The following INPP4B variants were observed in gnomAD, a reference collection of about 807,000 sequenced individuals.
INPP4B encodes the protein inositol polyphosphate-4-phosphatase type II B, also known as inositol polyphosphate 4-phosphatase type II.
A neutral mutation model predicts 122.5 loss-of-function variants in INPP4B; 55 were observed. That is an observed-to-expected ratio of 0.45 (90% CI 0.36 to 0.56). The LOEUF (loss-of-function observed/expected upper bound fraction) is 0.56. Among genes scored for constraint, INPP4B ranks in the 20% least tolerant of loss-of-function variants. The pLI is 0.00. For missense variants in INPP4B, 1,000 were observed against 1,097.7 expected (o/e 0.91, Z 1.26); for synonymous variants, 403 against 388.7 (o/e 1.04, Z -0.43).
intron 25 of INPP4B, among the ~76,000 whole-genome samples, chr4:142,067,458 C>A (rs539261096): frequency 3.3e-5 from 5 of 152,142 alleles, no homozygotes; most frequent in Non-Finnish European, 5.9e-5. Flanking sequence ...AGCAACGGAA[C>A]AAAGCTGGAT....
chr4:142,473,031 A>G (rs1209676559), intron 2 of INPP4B, among the ~76,000 whole-genome samples: 2 of 152,222 alleles, frequency 1.3e-5, no homozygotes, highest in Non-Finnish European at 2.9e-5. Flanking sequence ...AAATTAAATA[A>G]TAAAGACAAT....
At chr4:142,185,182 A>G (rs1250001043) in intron 15 of INPP4B, among the ~76,000 whole-genome samples, 1 of 152,100 alleles carries the variant, frequency 6.6e-6, no homozygotes, top group African/African-American at 2.4e-5. Context: ...AGCAAGGGAG[A>G]AAAAGTTGTC....
chr4:142,426,776 C>G (rs1808161952), intron 5 of INPP4B: 1 of 151,840 alleles, frequency 6.6e-6, no homozygotes, highest in African/African-American at 2.4e-5. Flanking sequence ...CAATATGGCA[C>G]CTAGCAAATT....
At chr4:142,762,152 A>C (rs748742102) in intron 1 of INPP4B, among the ~76,000 whole-genome samples, 24 of 151,992 alleles carry the variant, frequency 1.6e-4, no homozygotes, top group South Asian at 8.3e-4. Context: ...CACTCTACAC[A>C]CTCTACATGT....
At chr4:142,554,188 C>CAAAAAA (rs758209943) in intron 2 of INPP4B, among the ~76,000 whole-genome samples, 12 of 97,166 alleles carry the variant, frequency 1.2e-4, no homozygotes, top group East Asian at 2.3e-4. Context: ...AACTCCATCT[C>CAAAAAA]AAAAAAAAAA....
intron 10 of INPP4B, among the ~76,000 whole-genome samples, chr4:142,261,086 T>C (rs1378332472): frequency 6.6e-6 from 1 of 152,194 alleles, no homozygotes; most frequent in Non-Finnish European, 1.5e-5. Flanking sequence ...AATAAGCTGA[T>C]CTCTGGAATC....
chr4:142,061,865 TAC>T (rs1198104747), intron 25 of INPP4B, among the ~76,000 whole-genome samples: 1,834 of 40,870 alleles, frequency 0.045, 63 homozygotes, highest in African/African-American at 0.084. Context: ...TATATATATG[TAC>T]ACACACACAC....
In INPP4B at chr4:142,614,546, G is replaced by A. The variant is rs536647335; in HGVS notation, c.-191+111293C>T. Among the ~76,000 whole-genome samples the A allele has an allele frequency of 5.9e-4, 89 of 152,114 alleles. No homozygotes were observed. The Middle Eastern group carries it at 0.01, about 17-fold the overall frequency. On this transcript the variant is annotated intron_variant, in intron 2 of 25. Coordinates refer to ENST00000262992, the MANE Select transcript of INPP4B (RefSeq NM_001101669.3). ...ACAAAAAACAAAAATATAGAAGTAG[G>A]ACTTAATTAAACTGAATAGCTTCTG... is the stretch of plus-strand genomic sequence containing the variant.
chr4:142,757,426 C>A (rs558531282), intron 1 of INPP4B, among the ~76,000 whole-genome samples: 1 of 152,196 alleles, frequency 6.6e-6, no homozygotes, highest in South Asian at 2.1e-4. Context: ...AATCCTGATT[C>A]TTTGCCTATT....
chr4:142,363,897 A>G (rs534508739), intron 7 of INPP4B, among the ~76,000 whole-genome samples: 3 of 152,202 alleles, frequency 2.0e-5, no homozygotes, highest in Non-Finnish European at 4.4e-5. Context: ...GTGAAGTCAC[A>G]GTGTGCTGCT....
chr4:142,044,798 G>T (rs138820328), intron 25 of INPP4B, among the ~76,000 whole-genome samples: 9 of 152,228 alleles, frequency 5.9e-5, no homozygotes, highest in Non-Finnish European at 1.0e-4. Flanking sequence ...TTCAGGGTTA[G>T]ATATTAGCCA....
chr4:142,249,370 C>CA (rs949951685), intron 11 of INPP4B, among the ~76,000 whole-genome samples: 1 of 150,938 alleles, frequency 6.6e-6, no homozygotes, highest in African/African-American at 2.4e-5. Context: ...ATAATTTTAC[C>CA]AAAAAAAGAG....
intron 2 of INPP4B, among the ~76,000 whole-genome samples, chr4:142,683,990 T>C (rs1758997854): frequency 6.6e-6 from 1 of 151,900 alleles, no homozygotes; most frequent in South Asian, 2.1e-4. Flanking sequence ...AAGGAGAACA[T>C]GGTGTGTTCC....
intron 2 of INPP4B, among the ~76,000 whole-genome samples, chr4:142,658,771 T>C (rs1754620658): frequency 6.6e-6 from 1 of 152,190 alleles, no homozygotes; most frequent in African/African-American, 2.4e-5. Context: ...GAAACTGGTC[T>C]CATACCTCAT....
At chr4:142,373,178 G>A (rs940369282) in intron 7 of INPP4B, among the ~76,000 whole-genome samples, 2 of 152,006 alleles carry the variant, frequency 1.3e-5, no homozygotes, top group African/African-American at 4.8e-5. Context: ...AGTCCTGTAT[G>A]TGTCATAAAT....
intron 5 of INPP4B, among the ~76,000 whole-genome samples, chr4:142,421,884 C>T (rs1485672783): frequency 6.6e-6 from 1 of 152,028 alleles, no homozygotes; most frequent in East Asian, 1.9e-4. Flanking sequence ...ATCTGCCTGA[C>T]ATTATTAAAG....
chr4:142,640,030 G>T (rs900227361), intron 2 of INPP4B, among the ~76,000 whole-genome samples: 3 of 151,956 alleles, frequency 2.0e-5, no homozygotes, highest in Admixed American at 6.6e-5. Context: ...GTAATAATAT[G>T]AATAGTGAAA....
At chr4:142,271,222 C>T (rs191877267) in intron 9 of INPP4B, among the ~76,000 whole-genome samples, 28 of 152,244 alleles carry the variant, frequency 1.8e-4, no homozygotes, top group African/African-American at 6.3e-4. Flanking sequence ...GGATTACAGA[C>T]GTGAGCTACT....
At chr4:142,473,478 C>T (rs996446626) in intron 2 of INPP4B, 6 of 152,594 alleles carry the variant, frequency 3.9e-5, no homozygotes, top group African/African-American at 1.4e-4. Flanking sequence ...TTGGCCCACT[C>T]CACGGCCCCC....
Sources: allele counts gnomAD v4.1 joint callset (sites outside exome capture counted in the v4.1 genomes callset), GRCh38; gene constraint gnomAD v4.1.1; transcripts MANE v1.5; gene names NCBI Gene and HGNC (gene_info 2026-07-23, HGNC 2026-07-21).